The following ECT2L variants were observed in gnomAD, a reference collection of about 807,000 sequenced individuals.
ECT2L encodes epithelial cell-transforming sequence 2 oncogene-like.
In ECT2L, 126 loss-of-function variants were observed where a neutral mutation model predicts 122.8. That is an observed-to-expected ratio of 1.03 (90% CI 0.89 to 1.19). The LOEUF is 1.19. Among genes scored for constraint, ECT2L ranks in the 50% most tolerant of loss-of-function variants. The pLI, the probability that ECT2L is intolerant of heterozygous loss-of-function variation, is 0.00. For missense variants in ECT2L, 1,012 were observed against 1,064.1 expected, an observed-to-expected ratio of 0.95 and a Z score of 0.68; for synonymous variants, 385 against 381.8, an observed-to-expected ratio of 1.01 and a Z score of -0.10.
intron 4 of ECT2L, among the ~76,000 whole-genome samples, chr6:138,825,378 G>A (rs1191814732): frequency 3.9e-5 from 6 of 152,048 alleles, no homozygotes; most frequent in Non-Finnish European, 7.4e-5. Context: ...TCAGGAGTTC[G>A]AGACCAGCCT....
Position 138,812,606 on chromosome 6 carries a change from A to G in ECT2L, c.-243-232A>G, listed in dbSNP as rs113349682. 7.0e-3 allele frequency among the ~76,000 whole-genome samples: 1,060 copies of G among 152,134 alleles called. 8 individuals carry two copies. The highest frequency in any genetic ancestry group is 0.018 in the African/African-American group (764 of 41,502). On this transcript the variant is annotated intron_variant, in intron 1 of 21. Coordinates refer to ENST00000541398, the MANE Select transcript of ECT2L (RefSeq NM_001077706.3). ...ATCATTTGAGGTCTGTGAGTTCGAGACCAGCCTGGCCAACATGGTGAAACC... is the reference window on the plus strand; with the variant it reads ...ATCATTTGAGGTCTGTGAGTTCGAGGCCAGCCTGGCCAACATGGTGAAACC...
chr6:138,889,955 C>G (rs746965096), intron 20 of ECT2L, among the ~76,000 whole-genome samples: 2 of 152,138 alleles, frequency 1.3e-5, no homozygotes, highest in Non-Finnish European at 2.9e-5. Context: ...AAAACAAAAG[C>G]AGCTCTATCA....
At chr6:138,887,028 G>C in intron 19 of ECT2L, 106 bp downstream of exon 19, 1 of 890,010 alleles carries the variant, frequency 1.1e-6, no homozygotes, top group African/African-American at 1.7e-5. Flanking sequence ...TTTGTGGAAT[G>C]CCTGCTACGT....
At chr6:138,821,255 G>A (rs561758106) in intron 4 of ECT2L, among the ~76,000 whole-genome samples, 6 of 152,168 alleles carry the variant, frequency 3.9e-5, no homozygotes, top group South Asian at 2.1e-4. Flanking sequence ...CAGGCAGCCC[G>A]AACTTGATGT....
At chr6:138,853,262 G>C (rs995966239) in intron 9 of ECT2L, among the ~76,000 whole-genome samples, 5 of 152,072 alleles carry the variant, frequency 3.3e-5, no homozygotes, top group African/African-American at 1.2e-4. Context: ...CACCGCGCCT[G>C]GCCCTTATTT....
At chr6:138,811,594 C>T (rs1775898384) in intron 1 of ECT2L, among the ~76,000 whole-genome samples, 1 of 152,098 alleles carries the variant, frequency 6.6e-6, no homozygotes, top group Admixed American at 6.5e-5. Flanking sequence ...ATCTGTAATC[C>T]CAGTGTTTAG....
At chr6:138,889,726 G>A (rs1022769726) in intron 20 of ECT2L, among the ~76,000 whole-genome samples, 24 of 152,170 alleles carry the variant, frequency 1.6e-4, no homozygotes, top group Admixed American at 1.3e-3. Context: ...TAGTTATTGA[G>A]GTCAGTTTTT....
chr6:138,858,775 G>A (rs764255497), intron 10 of ECT2L, among the ~76,000 whole-genome samples: 136 of 135,962 alleles, frequency 1.0e-3, no homozygotes, highest in Admixed American at 1.6e-3. Context: ...ATGAAATCAC[G>A]GCTCAGTGCA....
At chr6:138,887,477 C>T (rs184308459) in intron 19 of ECT2L, among the ~76,000 whole-genome samples, 2 of 152,064 alleles carry the variant, frequency 1.3e-5, no homozygotes, top group Admixed American at 6.6e-5. Flanking sequence ...CTGCCCGCCT[C>T]GGCCTCCCAG....
intron 4 of ECT2L, among the ~76,000 whole-genome samples, chr6:138,835,955 G>A (rs1583572371): frequency 6.6e-6 from 1 of 152,264 alleles, no homozygotes; most frequent in South Asian, 2.1e-4. Flanking sequence ...CTTTTGAAGA[G>A]CACAGGCCTG....
chr6:138,885,824 A>G lies in ECT2L; in HGVS notation c.2253A>G (p.Ile751Met). 1 of 1,612,342 alleles carries G rather than the reference A, an allele frequency of 6.2e-7. No individual in the cohort carries two copies. Residue 751 changes from isoleucine to methionine, a missense_variant, in exon 18 of 22, where the codon ATA becomes ATG. Physicochemically the swap from Ile to Met is conservative, Grantham distance 10 (BLOSUM62 1). Coordinates refer to ENST00000541398, the MANE Select transcript of ECT2L (RefSeq NM_001077706.3). ...AAATCAAAAAATATAAAGGTTATAT[A>G]GATCAGGTTGGTTGCTGATAAGAAT... Reference protein sequence around the residue: ...IDQIKKYKGYIDQMKQNITMK... With the variant: ...IDQIKKYKGYMDQMKQNITMK...
chr6:138,834,935 A>ACTCTCTCTCT (rs1554271415), intron 4 of ECT2L, among the ~76,000 whole-genome samples: 10 of 142,868 alleles, frequency 7.0e-5, no homozygotes, highest in Non-Finnish European at 1.1e-4. Flanking sequence ...ACACACACAC[A>ACTCTCTCTCT]CTCTCATTCT....
In ECT2L at chr6:138,813,195, GA is replaced by G. The variant is rs1775957587; in HGVS notation, c.-77del. The G allele has an allele frequency of 1.0e-6, 1 of 980,656 alleles. No individual in the cohort carries two copies. Among genetic ancestry groups the G allele is most frequent in the Non-Finnish European group, 1.6e-6 (1 of 636,122 alleles). 60.7% of individuals were successfully genotyped at this position (980,656 alleles called of 1,614,324 possible). A position where few individuals can be genotyped will look rare whatever the true frequency, so the allele number is the denominator to read the frequency against. Reference sequence around the variant, plus strand: ...AGGTGATCTTAATTGCACACCTATTGAAATAAACCTGTAGTTTCTAGAAGTG... The same window carrying G: ...AGGTGATCTTAATTGCACACCTATTGAATAAACCTGTAGTTTCTAGAAGTG... On this transcript the variant is annotated 5_prime_UTR_variant, in exon 3 of 22. Coordinates refer to ENST00000541398, the MANE Select transcript of ECT2L (RefSeq NM_001077706.3).
Position 138,902,591 on chromosome 6 carries a change from A to G in ECT2L, c.2679A>G (p.Val893=), listed in dbSNP as rs1458540361. 3 of 1,614,000 alleles carry G rather than the reference A, an allele frequency of 1.9e-6. No homozygotes were observed. The highest frequency in any genetic ancestry group is 2.2e-5 in the South Asian group (2 of 91,060). ...ATGATAAGTTCCTATGGCTGTCAGT[A>G]CTTCGAAATGCAATCAAAAGCAGTA... ...IEDDKFLWLS[V]LRNAIKSSME... The change falls in exon 22 of 22, where the codon GTA becomes GTG. Residue 893 remains valine (V), a synonymous_variant. Transcript: ENST00000541398.
At chr6:138,805,825 CACA>C in intron 1 of ECT2L, among the ~76,000 whole-genome samples, 1 of 152,098 alleles carries the variant, frequency 6.6e-6, no homozygotes. Context: ...TCATCACTTC[CACA>C]ACATCATTGG....
At chr6:138,803,323 C>T (rs1775608192) in intron 1 of ECT2L, among the ~76,000 whole-genome samples, 2 of 147,934 alleles carry the variant, frequency 1.4e-5, no homozygotes, top group Admixed American at 1.4e-4. Flanking sequence ...CATGTACACA[C>T]ACACACACAC....
intron 1 of ECT2L, among the ~76,000 whole-genome samples, chr6:138,803,890 G>A (rs1339697125): frequency 6.6e-6 from 1 of 152,224 alleles, no homozygotes; most frequent in Non-Finnish European, 1.5e-5. Context: ...GCAAATGTCT[G>A]TCTTATTCTA....
intron 1 of ECT2L, among the ~76,000 whole-genome samples, chr6:138,797,261 CACTT>C (rs1314028512): frequency 6.6e-6 from 1 of 152,184 alleles, no homozygotes; most frequent in Non-Finnish European, 1.5e-5. Flanking sequence ...TCACCAATCA[CACTT>C]ACTTTTCTTC....
intron 4 of ECT2L, among the ~76,000 whole-genome samples, chr6:138,815,996 T>C (rs1159228032): frequency 6.6e-6 from 1 of 152,226 alleles, no homozygotes; most frequent in African/African-American, 2.4e-5. Context: ...GAGACAGGCA[T>C]CTTCCTGGCT....
Sources: gnomAD v4.1 joint callset for allele counts (sites outside exome capture counted in the v4.1 genomes callset) on GRCh38, gnomAD v4.1.1 for gene constraint, MANE v1.5 for transcripts, NCBI Gene and HGNC (gene_info 2026-07-23, HGNC 2026-07-21) for gene names.